Variants in ERBB4 observed in about 807,000 individuals in gnomAD.
ERBB4 encodes receptor tyrosine-protein kinase erbB-4.
A neutral mutation model predicts 158.0 loss-of-function variants in ERBB4; 42 were observed. The observed-to-expected ratio is 0.27, with a 90% CI of 0.21 to 0.34. ERBB4 has a LOEUF of 0.34. Ranked by LOEUF, ERBB4 falls within the 10% of genes least tolerant of loss-of-function variation. The probability of loss-of-function intolerance (pLI) is 1.00; values close to 1 mark genes in which losing one functional copy is unlikely to be tolerated. For synonymous variants in ERBB4, 583 were observed against 558.7 expected (o/e 1.04, Z -0.61); for missense variants, 1,333 against 1,624.1 (o/e 0.82, Z 3.08).
chr2:211,860,493 T>C (rs970361057), intron 3 of ERBB4, among the ~76,000 whole-genome samples: 1 of 152,128 alleles, frequency 6.6e-6, no homozygotes, highest in Non-Finnish European at 1.5e-5. Flanking sequence ...GTCACCTCAA[T>C]TATCATTGTC....
At chr2:211,503,465 C>A (rs547293882) in intron 20 of ERBB4, among the ~76,000 whole-genome samples, 84 of 152,224 alleles carry the variant, frequency 5.5e-4, no homozygotes, top group African/African-American at 2.0e-3. Context: ...CAATGGGAGA[C>A]CCACAGCATA....
chr2:211,739,460 C>CTATT (rs569131942), intron 5 of ERBB4, among the ~76,000 whole-genome samples: 58 of 152,038 alleles, frequency 3.8e-4, no homozygotes, highest in African/African-American at 1.1e-3. Context: ...AAACATCTGG[C>CTATT]TATTTATTTA....
chr2:211,822,315 G>C (rs1014019196), intron 3 of ERBB4, among the ~76,000 whole-genome samples: 6 of 151,892 alleles, frequency 4.0e-5, no homozygotes, highest in Non-Finnish European at 5.9e-5. Flanking sequence ...CCTACACAAA[G>C]AAATGTTTGA....
chr2:212,522,526 G>C (rs1184320086), intron 1 of ERBB4, among the ~76,000 whole-genome samples: 1 of 151,928 alleles, frequency 6.6e-6, no homozygotes, highest in African/African-American at 2.4e-5. Flanking sequence ...AAGGTTTAGA[G>C]CTCTGTATAG....
intron 2 of ERBB4, among the ~76,000 whole-genome samples, chr2:211,954,919 A>G (rs1229855747): frequency 6.6e-6 from 1 of 152,056 alleles, no homozygotes; most frequent in African/African-American, 2.4e-5. Flanking sequence ...AACATTACAC[A>G]TCCCTGCTGC....
intron 3 of ERBB4, among the ~76,000 whole-genome samples, chr2:211,929,908 T>C (rs937881756): frequency 1.3e-5 from 2 of 152,198 alleles, no homozygotes; most frequent in Non-Finnish European, 2.9e-5. Flanking sequence ...CATCCTCTTT[T>C]TCTGTTATAT....
chr2:211,725,184 C>T lies in ERBB4; in HGVS notation c.633G>A (p.Thr211=), dbSNP rs142765774. 5.1e-5 allele frequency: 82 copies of T among 1,612,870 alleles called. No individual in the cohort carries two copies. The highest frequency in any genetic ancestry group is 3.1e-4 in the South Asian group (28 of 91,046). The change falls in exon 6 of 28, where the codon ACG becomes ACA. Residue 211 remains threonine, a synonymous_variant. Transcript: ENST00000342788. ...TENHCQTLTR[T]VCAEQCDGRC... ...TGCCGTCACATTGTTCTGCACACAC[C>T]GTCCTTGTCACTGCAGAAGACAGAG...
intron 4 of ERBB4, among the ~76,000 whole-genome samples, chr2:211,780,270 A>G (rs2106298408): frequency 6.6e-6 from 1 of 152,264 alleles, no homozygotes; most frequent in Non-Finnish European, 1.5e-5. Context: ...AGGCTGAAAC[A>G]GGAGGATTGC....
At chr2:211,957,560 T>C (rs2081068202) in intron 2 of ERBB4, among the ~76,000 whole-genome samples, 1 of 152,128 alleles carries the variant, frequency 6.6e-6, no homozygotes, top group African/African-American at 2.4e-5. Context: ...ATTTAACCTT[T>C]CTGTGCCTCA....
At chr2:211,448,331 C>T (rs531790504) in intron 20 of ERBB4, among the ~76,000 whole-genome samples, 2 of 152,154 alleles carry the variant, frequency 1.3e-5, no homozygotes, top group Admixed American at 6.6e-5. Context: ...GCTGGATTTT[C>T]CAGCTTGAAG....
Position 211,709,274 on chromosome 2 carries a change from T to TACACATATATATATATATATATAC in ERBB4, c.1124+2775_1124+2776insGTATATATATATATATATATGTGT, listed in dbSNP as rs56023302. On this transcript the variant is annotated intron_variant, in intron 9 of 27. Transcript: ENST00000342788. ...ATACACATATATATATATATATATA[T>TACACATATATATATATATATATAC]ACATACATATATATATACATATATA... Among the ~76,000 whole-genome samples, 128 of 136,538 alleles carry TACACATATATATATATATATATAC rather than the reference T, an allele frequency of 9.4e-4. 2 individuals are homozygous for TACACATATATATATATATATATAC. The highest frequency in any genetic ancestry group is 3.5e-3 in the African/African-American group (121 of 34,988). 89.6% of individuals were successfully genotyped at this position (136,538 alleles called of 152,430 possible).
intron 3 of ERBB4, among the ~76,000 whole-genome samples, chr2:211,812,176 G>A (rs2076771983): frequency 6.6e-6 from 1 of 152,120 alleles, no homozygotes; most frequent in Admixed American, 6.5e-5. Context: ...ATCTACCTTT[G>A]GTCTTTGATG....
chr2:211,484,778 T>C (rs1438279814), intron 20 of ERBB4, among the ~76,000 whole-genome samples: 1 of 152,192 alleles, frequency 6.6e-6, no homozygotes, highest in African/African-American at 2.4e-5. Context: ...AACATCTATC[T>C]GTCAATAGTT....
intron 20 of ERBB4, among the ~76,000 whole-genome samples, chr2:211,437,711 T>TAATC (rs1214248051): frequency 1.3e-5 from 2 of 152,122 alleles, no homozygotes; most frequent in Non-Finnish European, 2.9e-5. Flanking sequence ...TCACAGGCAT[T>TAATC]AATCTCCAGC....
At chr2:212,357,217 TA>T (rs1357439935) in intron 1 of ERBB4, among the ~76,000 whole-genome samples, 3 of 151,694 alleles carry the variant, frequency 2.0e-5, no homozygotes, top group Non-Finnish European at 4.4e-5. Flanking sequence ...AGCTTTAAAA[TA>T]AAAAAAGGAT....
chr2:211,576,241 G>T (rs2067889171), intron 19 of ERBB4, among the ~76,000 whole-genome samples: 1 of 152,140 alleles, frequency 6.6e-6, no homozygotes, highest in Non-Finnish European at 1.5e-5. Flanking sequence ...TGAGTCAAAG[G>T]AACATGTGGC....
chr2:212,414,403 G>A (rs113899114), intron 1 of ERBB4, among the ~76,000 whole-genome samples: 1,724 of 152,204 alleles, frequency 0.011, 13 homozygotes, highest in Middle Eastern at 0.037. Context: ...GCCTTTAGTC[G>A]GAAGAGGTGT....
intron 1 of ERBB4, among the ~76,000 whole-genome samples, chr2:212,349,722 G>A (rs887143430): frequency 1.3e-5 from 2 of 152,128 alleles, no homozygotes; most frequent in Non-Finnish European, 2.9e-5. Flanking sequence ...AGAAAAGGGA[G>A]TAGAAGTTGC....
intron 1 of ERBB4, among the ~76,000 whole-genome samples, chr2:212,346,498 AAAATGTTTTAAAATATATTTAAAACATG>A (rs374168100): frequency 1.3e-5 from 2 of 151,248 alleles, no homozygotes; most frequent in Admixed American, 6.6e-5. Context: ...CTAAAACATT[AAAATGTTTTAAAATATATTTAAAACATG>A]AAATGTTTTA....
Sources: gnomAD v4.1 joint callset for allele counts (sites outside exome capture counted in the v4.1 genomes callset) on GRCh38, gnomAD v4.1.1 for gene constraint, MANE v1.5 for transcripts, NCBI Gene and HGNC (gene_info 2026-07-23, HGNC 2026-07-21) for gene names.